FXYD2: variants seen among roughly 807,000 people sequenced by gnomAD.
FXYD2 encodes the protein sodium/potassium-transporting ATPase subunit gamma.
A neutral mutation model predicts 11.8 loss-of-function variants in FXYD2; 8 were observed. The ratio of observed to expected loss-of-function variants is 0.68; its 90% CI spans 0.40 to 1.22. FXYD2 has a LOEUF of 1.22. Ranked by LOEUF, FXYD2 falls within the 50% of genes most tolerant of loss-of-function variation. FXYD2 has a pLI of 0.01. For missense variants in FXYD2, 92 were observed against 91.8 expected, an observed-to-expected ratio of 1.00 and a Z score of -0.01; for synonymous variants, 42 against 33.3, an observed-to-expected ratio of 1.26 and a Z score of -0.90.
intron 3 of FXYD2, chr11:117,821,894 A>C: frequency 9.9e-7 from 1 of 1,008,396 alleles, no homozygotes; most frequent in Admixed American, 5.3e-5. Context: ...GGACCAAAAC[A>C]AGTCAATGTG....
chr11:117,820,709 G>A lies in FXYD2; in HGVS notation c.177-13C>T. 3 of 1,614,076 alleles carry A rather than the reference G, an allele frequency of 1.9e-6. No homozygotes were observed. The highest frequency in any genetic ancestry group is 2.7e-5 in the African/African-American group (2 of 75,034). ...TTCATTGATTTGCCTGGTGGGGGAA[G>A]GAAAAGCAACAGGTGAGAGGGCAGG... On this transcript the variant is annotated splice_polypyrimidine_tract_variant and intron_variant, in intron 4 of 5. Coordinates refer to ENST00000292079, the MANE Select transcript of FXYD2 (RefSeq NM_001680.5).
chr11:117,821,784 G>A (rs533077291), intron 3 of FXYD2: 1 of 988,400 alleles, frequency 1.0e-6, no homozygotes, highest in African/African-American at 1.7e-5. Context: ...TTGGGGTGGG[G>A]TGGCAGTGGC....
chr11:117,821,493 A>G (rs1189671739), intron 3 of FXYD2: 1 of 986,122 alleles, frequency 1.0e-6, no homozygotes, highest in African/African-American at 1.7e-5. Context: ...AGACTGGGCC[A>G]TCATGGTGCC....
chr11:117,821,958 C>T (rs1367332092), intron 3 of FXYD2: 2 of 1,060,436 alleles, frequency 1.9e-6, no homozygotes, highest in African/African-American at 3.4e-5. Context: ...ACATAACTCT[C>T]TTTGTCTCCC....
Position 117,820,873 on chromosome 11 carries a change from G to T in FXYD2, c.162C>A (p.Gly54=). 14 of 1,606,328 alleles carry T rather than the reference G, an allele frequency of 8.7e-6. No individual in the cohort carries two copies. Among genetic ancestry groups the T allele is most frequent in the Non-Finnish European group, 1.2e-5 (14 of 1,178,166 alleles). Residue 54 remains glycine, a synonymous_variant, in exon 4 of 6, where the codon GGC becomes GGA. Coordinates refer to ENST00000292079, the MANE Select transcript of FXYD2 (RefSeq NM_001680.5). ...ILLSRRFRCG[G]NKKRRQINED... ...GCAGCGCTCACCTGCGCTTCTTATT[G>T]CCCCCACAGCGGAATCTTCTGCCTT...
upstream of FXYD2, chr11:117,824,806 A>G (rs1477228603): frequency 1.7e-6 from 2 of 1,195,148 alleles, no homozygotes; most frequent in Non-Finnish European, 1.2e-6. The surrounding 1 kb of genome is among the most constrained non-coding windows in gnomAD (Gnocchi z 4.0). Context: ...AGTGCCAGGT[A>G]ATATTTACCC....
chr11:117,820,817 C>G (rs2134097901), intron 4 of FXYD2, 42 bp downstream of exon 4: 1 of 1,613,588 alleles, frequency 6.2e-7, no homozygotes, highest in East Asian at 2.2e-5. Context: ...CCCTCCTTCT[C>G]CAGCCCCAAC....
Position 117,822,234 on chromosome 11 carries a change from C to G in FXYD2, c.139+172G>C. ...GAGCAAGCAGGAACCTCACACTGTG[C>G]TCCCAGCGAGCCTGGCACCCCACCG... is the stretch of plus-strand genomic sequence containing the variant. On this transcript the variant is annotated intron_variant, in intron 3 of 5. Coordinates refer to ENST00000292079, the MANE Select transcript of FXYD2 (RefSeq NM_001680.5). The surrounding 1 kb of genome is among the most constrained non-coding windows in gnomAD (Gnocchi z 4.7). 6.7e-7 allele frequency: 1 copy of G among 1,503,414 alleles called. No individual in the cohort carries two copies. Among genetic ancestry groups the G allele is most frequent in the South Asian group, 1.3e-5 (1 of 78,872 alleles). 93.1% of individuals were successfully genotyped at this position (1,503,414 alleles called of 1,614,324 possible).
chr11:117,824,891 G>T (rs1223476488), upstream of FXYD2: 6 of 669,224 alleles, frequency 9.0e-6, no homozygotes, highest in East Asian at 1.6e-4. The surrounding 1 kb of genome is among the most constrained non-coding windows in gnomAD (Gnocchi z 4.0). Context: ...GGAGGCAGGG[G>T]CAGGGAGGAG....
rs1054091571 is a variant in FXYD2, at chr11:117,822,327, C to G, written c.139+79G>C. 1.3e-6 allele frequency: 2 copies of G among 1,548,862 alleles called. No homozygotes were observed. The highest frequency in any genetic ancestry group is 1.7e-6 in the Non-Finnish European group (2 of 1,146,726). On this transcript the variant is annotated intron_variant, in intron 3 of 5. Transcript: ENST00000292079. The surrounding 1 kb of genome is among the most constrained non-coding windows in gnomAD (Gnocchi z 4.7). ...GGCTCACCCCTCCCTTGGCAACTCC[C>G]GAAAGCCAGCCTGCTCAGCGGCCTT...
Position 117,822,789 on chromosome 11 carries a change from C to T in FXYD2, c.26-72G>A, listed in dbSNP as rs1237442412. 1.9e-6 allele frequency: 3 copies of T among 1,569,388 alleles called. No individual in the cohort carries two copies. Among genetic ancestry groups the T allele is most frequent in the Non-Finnish European group, 2.6e-6 (3 of 1,158,800 alleles). Reference sequence around the variant, plus strand: ...CCAGCCACAGGAACAGCTGGAATTCCCTGTCCTTCCCTTCCCAGAGGACCC... The same window carrying T: ...CCAGCCACAGGAACAGCTGGAATTCTCTGTCCTTCCCTTCCCAGAGGACCC... On this transcript the variant is annotated intron_variant, in intron 1 of 5. Transcript: ENST00000292079. The surrounding 1 kb of genome is among the most constrained non-coding windows in gnomAD (Gnocchi z 4.7).
At chr11:117,820,534 G>T in intron 5 of FXYD2, 132 bp downstream of exon 5, 2 of 1,157,378 alleles carry the variant, frequency 1.7e-6, no homozygotes, top group Non-Finnish European at 2.5e-6. Flanking sequence ...CACGATGGGT[G>T]ACAGACCACC....
At position 117,822,743 on chromosome 11, in the gene FXYD2, A is replaced by G. The variant is rs1049699406; in HGVS notation, c.26-26T>C. 3.1e-6 allele frequency: 5 copies of G among 1,605,022 alleles called. No individual in the cohort carries two copies. Among genetic ancestry groups the G allele is most frequent in the Non-Finnish European group, 4.2e-6 (5 of 1,177,698 alleles). On this transcript the variant is annotated intron_variant, in intron 1 of 5. Transcript: ENST00000292079. This position sits in a 1 kb window ranked among gnomAD's most constrained non-coding sequence, Gnocchi z 4.7. ...CTAGGAGAGAGCCAGAGGTGGGATG[A>G]GAGGAGTCACCGATGGTGAGCCAGC...
At chr11:117,820,987 C>T (rs1233900543) in intron 3 of FXYD2, 92 bp from the exon 4 acceptor site, 18 of 1,579,672 alleles carry the variant, frequency 1.1e-5, no homozygotes, top group Non-Finnish European at 1.5e-5. Flanking sequence ...TCCTACCTCC[C>T]TCCTGCCAGT....
Position 117,822,264 on chromosome 11 carries a change from C to T in FXYD2, c.139+142G>A, listed in dbSNP as rs1404225186. On this transcript the variant is annotated intron_variant, in intron 3 of 5. Transcript: ENST00000292079. The surrounding 1 kb of genome is among the most constrained non-coding windows in gnomAD (Gnocchi z 4.7). ...AGCGAGCCTGGCACCCCACCGGGCA[C>T]CCATTCCCACATCCTGCAGTGGGGG... 6.5e-7 allele frequency: 1 copy of T among 1,529,884 alleles called. No individual in the cohort carries two copies. Among genetic ancestry groups the T allele is most frequent in the Non-Finnish European group, 8.8e-7 (1 of 1,138,406 alleles). The allele number at this position is 1,529,884 out of a possible 1,614,324, so 94.8% of individuals were successfully genotyped here.
intron 5 of FXYD2, 138 bp downstream of exon 5, chr11:117,820,528 A>G (rs2055872849): frequency 3.7e-6 from 4 of 1,083,928 alleles, no homozygotes; most frequent in Non-Finnish European, 4.1e-6. Context: ...TAAACACACG[A>G]TGGGTGACAG....
chr11:117,820,743 T>A (rs1294187533), intron 4 of FXYD2, 47 bp from the exon 5 acceptor site: 2 of 1,612,536 alleles, frequency 1.2e-6, no homozygotes, highest in East Asian at 2.2e-5. Context: ...GGGGGAGGGG[T>A]GGGTCTAGGG....
At chr11:117,821,502 C>A in intron 3 of FXYD2, 1 of 986,084 alleles carries the variant, frequency 1.0e-6, no homozygotes, top group Non-Finnish European at 1.2e-6. Context: ...CATCATGGTG[C>A]CCCCAGCACA....
intron 5 of FXYD2, 41 bp downstream of exon 5, chr11:117,820,625 C>A: frequency 6.2e-7 from 1 of 1,612,644 alleles, no homozygotes; most frequent in Non-Finnish European, 8.5e-7. Context: ...CCCAAGCCTG[C>A]CCTGCCCTCC....
Sources: gnomAD v4.1 joint callset for allele counts on GRCh38, gnomAD v4.1.1 for gene constraint, Gnocchi (gnomAD v3.1) non-coding constraint, MANE v1.5 for transcripts, NCBI Gene and HGNC (gene_info 2026-07-23, HGNC 2026-07-21) for gene names.